Variants in TMEM53 observed in about 807,000 individuals in gnomAD.
TMEM53 encodes transmembrane protein 53.
TMEM53 carries 14 observed loss-of-function variants against 21.4 expected under a neutral mutation model. The ratio of observed to expected loss-of-function variants is 0.65; its 90% CI spans 0.43 to 1.02. The LOEUF (loss-of-function observed/expected upper bound fraction) is 1.02. Among genes scored for constraint, TMEM53 ranks in the 50% least tolerant of loss-of-function variants. The pLI, the probability that TMEM53 is intolerant of heterozygous loss-of-function variation, is 0.00. For synonymous variants in TMEM53, 148 were observed against 157.4 expected (o/e 0.94, Z 0.45); for missense variants, 323 against 383.6 (o/e 0.84, Z 1.32).
intron 1 of TMEM53, among the ~76,000 whole-genome samples, chr1:44,661,890 C>A (rs886351863): frequency 6.6e-6 from 1 of 152,192 alleles, no homozygotes; most frequent in African/African-American, 2.4e-5. Context: ...GACCTCATCT[C>A]ATTTCCCCTG....
At chr1:44,661,495 C>A (rs1224698633) in intron 1 of TMEM53, among the ~76,000 whole-genome samples, 2 of 152,004 alleles carry the variant, frequency 1.3e-5, no homozygotes, top group African/African-American at 4.8e-5. Flanking sequence ...CCCACCTCAG[C>A]CTCCCGGGAA....
At chr1:44,672,365 C>A (rs1196331995) in intron 1 of TMEM53, among the ~76,000 whole-genome samples, 1 of 152,240 alleles carries the variant, frequency 6.6e-6, no homozygotes, top group East Asian at 1.9e-4. Context: ...GCAGTTAGCA[C>A]ACCATTTTGA....
chr1:44,655,024 C>G lies in TMEM53; in HGVS notation c.369G>C (p.Val123=), dbSNP rs199778287. 2 of 1,614,088 alleles carry G rather than the reference C, an allele frequency of 1.2e-6. No individual in the cohort carries two copies. Among genetic ancestry groups the G allele is most frequent in the East Asian group, 4.5e-5 (2 of 44,886 alleles). ...AGCGACGGGTCTGCAGGAGCTCCAG[C>G]ACGTAGCGGTACAGCATGACGCCAC... The part of the protein sequence containing the change: ...SNGGVMLYRY[V]LELLQTRRFC... Residue 123 remains valine (V), a synonymous_variant, in exon 3 of 3, where the codon GTG becomes GTC. Coordinates refer to ENST00000372237, the MANE Select transcript of TMEM53 (RefSeq NM_024587.4). This position sits in a 1 kb window ranked among gnomAD's most constrained non-coding sequence, Gnocchi z 4.4.
rs1452807603 is a variant in TMEM53, at chr1:44,660,310, T to A, written c.62-15A>T. The A allele has an allele frequency of 6.2e-7, 1 of 1,609,758 alleles. No homozygotes were observed. Among genetic ancestry groups the A allele is most frequent in the Non-Finnish European group, 8.5e-7 (1 of 1,178,330 alleles). On this transcript the variant is annotated splice_polypyrimidine_tract_variant and intron_variant, in intron 1 of 2. Transcript: ENST00000372237. ...GGGGCTGTTCTCTGAAACACAGATG[T>A]GGACTGTCAACACCAGAGCTGGGGT... is the stretch of plus-strand genomic sequence containing the variant.
At position 44,655,854 on chromosome 1, in the gene TMEM53, C is replaced by T. The variant is rs1644844976; in HGVS notation, c.184-645G>A. On this transcript the variant is annotated intron_variant, in intron 2 of 2. Transcript: ENST00000372237. This position sits in a 1 kb window ranked among gnomAD's most constrained non-coding sequence, Gnocchi z 4.4. ...ACTCAGGGACCTGACACTCAAATGT[C>T]CCTGGTTCCCCGGCCTGGGATCACT... Among the ~76,000 whole-genome samples the T allele has an allele frequency of 2.6e-5, 4 of 152,304 alleles. No homozygotes were observed. The South Asian group carries it at 8.3e-4, about 32-fold the overall frequency.
intron 1 of TMEM53, among the ~76,000 whole-genome samples, chr1:44,668,666 C>T (rs1644970658): frequency 6.6e-6 from 1 of 152,000 alleles, no homozygotes; most frequent in Non-Finnish European, 1.5e-5. Context: ...CTCAGCCTCC[C>T]AAGTAGCTGG....
At chr1:44,656,749 C>A (rs1644853208) in intron 2 of TMEM53, among the ~76,000 whole-genome samples, 1 of 151,762 alleles carries the variant, frequency 6.6e-6, no homozygotes, top group African/African-American at 2.4e-5. Context: ...CACAGTGGCT[C>A]ACACCTGTAA....
chr1:44,672,260 C>T (rs1645008510), intron 1 of TMEM53, among the ~76,000 whole-genome samples: 1 of 152,212 alleles, frequency 6.6e-6, no homozygotes, highest in Admixed American at 6.5e-5. Context: ...GAGGTGTTTC[C>T]CTTGGAGGAA....
At chr1:44,669,337 G>C (rs1644978384) in intron 1 of TMEM53, among the ~76,000 whole-genome samples, 1 of 152,094 alleles carries the variant, frequency 6.6e-6, no homozygotes, top group Non-Finnish European at 1.5e-5. Flanking sequence ...CCCATTATTG[G>C]ATATGATGCT....
intron 1 of TMEM53, among the ~76,000 whole-genome samples, chr1:44,667,904 A>G (rs1644963299): frequency 6.6e-6 from 1 of 152,132 alleles, no homozygotes. Context: ...TTAATCTCAC[A>G]AGCTCCCTGT....
chr1:44,670,229 C>T (rs1362853810), intron 1 of TMEM53, among the ~76,000 whole-genome samples: 2 of 145,856 alleles, frequency 1.4e-5, no homozygotes, highest in Admixed American at 1.4e-4. Flanking sequence ...AAATCCCAAA[C>T]GACTCTCTTC....
intron 1 of TMEM53, among the ~76,000 whole-genome samples, chr1:44,663,587 T>C (rs1213808745): frequency 6.6e-6 from 1 of 152,190 alleles, no homozygotes; most frequent in East Asian, 1.9e-4. Context: ...ATCAGGATCA[T>C]GATTCTTCCA....
intron 2 of TMEM53, among the ~76,000 whole-genome samples, chr1:44,658,477 A>T (rs540136542): frequency 3.3e-5 from 5 of 152,094 alleles, no homozygotes; most frequent in Non-Finnish European, 5.9e-5. Flanking sequence ...CTATCCCTGG[A>T]TCATGGCAAG....
intron 2 of TMEM53, among the ~76,000 whole-genome samples, chr1:44,656,416 T>C (rs1052323640): frequency 3.3e-5 from 5 of 152,154 alleles, no homozygotes; most frequent in Admixed American, 2.6e-4. Context: ...GACCCATGGC[T>C]AAACAGGGAT....
At chr1:44,669,294 T>C (rs909170528) in intron 1 of TMEM53, among the ~76,000 whole-genome samples, 1 of 152,258 alleles carries the variant, frequency 6.6e-6, no homozygotes, top group Non-Finnish European at 1.5e-5. Flanking sequence ...AGAGAGGCTA[T>C]AGAATGTTTC....
intron 1 of TMEM53, among the ~76,000 whole-genome samples, chr1:44,661,060 T>C (rs889919596): frequency 1.3e-5 from 2 of 152,200 alleles, no homozygotes; most frequent in African/African-American, 4.8e-5. Flanking sequence ...TAAACTTTTA[T>C]TGGAACATGC....
intron 1 of TMEM53, among the ~76,000 whole-genome samples, chr1:44,665,115 A>G (rs147229795): frequency 4.8e-5 from 7 of 144,342 alleles, no homozygotes; most frequent in African/African-American, 1.8e-4. Flanking sequence ...CATCAGACTG[A>G]GTGAGGTGCC....
At position 44,654,623 on chromosome 1, in the gene TMEM53, C is replaced by T. The variant is rs758779361; in HGVS notation, c.770G>A (p.Arg257His). 2.5e-5 allele frequency: 40 copies of T among 1,613,858 alleles called. No homozygotes were observed. The highest frequency in any genetic ancestry group is 8.8e-5 in the South Asian group (8 of 91,078). ...FVSSAHVSHL[R>H]DYPTYYTSLC... is the part of the protein sequence containing the mutation. ...GCTTGTGTAGTAAGTAGGGTAGTCA[C>T]GGAGGTGGCTGACGTGTGCAGATGA... The change falls in exon 3 of 3, where the codon CGT (arginine) becomes CAT (histidine). Residue 257 changes from arginine to histidine, a missense_variant. This residue lies in a region of TMEM53 where 269 missense variants were observed against 334.5 expected (regional missense o/e 0.80). Transcript: ENST00000372237. The surrounding 1 kb of genome is among the most constrained non-coding windows in gnomAD (Gnocchi z 7.0).
chr1:44,663,466 C>T (rs556814788), intron 1 of TMEM53, among the ~76,000 whole-genome samples: 2 of 152,306 alleles, frequency 1.3e-5, no homozygotes, highest in East Asian at 3.9e-4. Flanking sequence ...GTGTCGAACT[C>T]CTGAGCTCAG....
Sources: allele counts gnomAD v4.1 joint callset (sites outside exome capture counted in the v4.1 genomes callset), GRCh38; gene constraint gnomAD v4.1.1; regional missense constraint gnomAD v4.1.1; non-coding constraint Gnocchi (gnomAD v3.1); transcripts MANE v1.5; gene names NCBI Gene and HGNC (gene_info 2026-07-23, HGNC 2026-07-21).